ANO4: variants seen among roughly 807,000 people sequenced by gnomAD.
The protein encoded by ANO4 is anoctamin-4.
In ANO4, 69 loss-of-function variants were observed where a neutral mutation model predicts 141.9. The ratio of observed to expected loss-of-function variants is 0.49; its 90% CI spans 0.40 to 0.59. ANO4 has a LOEUF of 0.59. Ranked by LOEUF, ANO4 falls within the 20% of genes least tolerant of loss-of-function variation. The probability of loss-of-function intolerance (pLI) is 0.00; values close to 1 mark genes in which losing one functional copy is unlikely to be tolerated. For missense variants in ANO4, 894 were observed against 1,162.2 expected (o/e 0.77, Z 3.36); for synonymous variants, 350 against 394.3 (o/e 0.89, Z 1.33).
At chr12:100,999,717 T>C (rs2045551568) in intron 8 of ANO4, among the ~76,000 whole-genome samples, 1 of 151,526 alleles carries the variant, frequency 6.6e-6, no homozygotes, top group Admixed American at 6.6e-5. Context: ...AAGGTGGCAA[T>C]AGGATTTGGG....
At chr12:100,958,005 A>G (rs2043244701) in intron 5 of ANO4, among the ~76,000 whole-genome samples, 3 of 152,282 alleles carry the variant, frequency 2.0e-5, no homozygotes, top group Admixed American at 2.0e-4. Context: ...ATGCCCAGCC[A>G]CAACCATTTT....
chr12:100,851,396 T>C (rs1180488591), intron 1 of ANO4, among the ~76,000 whole-genome samples: 1 of 152,184 alleles, frequency 6.6e-6, no homozygotes, highest in Non-Finnish European at 1.5e-5. Flanking sequence ...ACTTGCTGCT[T>C]TTTCCCAGAG....
intron 1 of ANO4, among the ~76,000 whole-genome samples, chr12:100,862,262 A>G (rs1328478011): frequency 6.6e-6 from 1 of 152,138 alleles, no homozygotes; most frequent in Non-Finnish European, 1.5e-5. Flanking sequence ...AGTATACTCT[A>G]AAATAACAAT....
At chr12:100,843,475 T>C (rs1389669136) in intron 1 of ANO4, among the ~76,000 whole-genome samples, 2 of 152,212 alleles carry the variant, frequency 1.3e-5, no homozygotes. Flanking sequence ...AGTTTAACTG[T>C]CCTCAACTTC....
intron 9 of ANO4, among the ~76,000 whole-genome samples, chr12:101,034,475 A>G (rs945094761): frequency 1.1e-4 from 16 of 152,066 alleles, no homozygotes; most frequent in Middle Eastern, 3.2e-3. Flanking sequence ...ACAACACACA[A>G]TAGGCCTGTT....
chr12:100,830,270 A>G (rs2135770043), intron 1 of ANO4, among the ~76,000 whole-genome samples: 2 of 152,156 alleles, frequency 1.3e-5, no homozygotes, highest in Admixed American at 1.3e-4. Flanking sequence ...GGGGCCCGAG[A>G]TGCTGTAGGA....
intron 1 of ANO4, among the ~76,000 whole-genome samples, chr12:100,725,185 GT>G (rs1037346898): frequency 2.0e-5 from 3 of 152,050 alleles, no homozygotes; most frequent in Admixed American, 1.3e-4. Context: ...CTTGTAATAT[GT>G]TTTGAAAGGT....
intron 8 of ANO4, among the ~76,000 whole-genome samples, chr12:101,012,311 A>C (rs1054911231): frequency 1.3e-5 from 2 of 152,152 alleles, no homozygotes; most frequent in Non-Finnish European, 2.9e-5. Flanking sequence ...ATTTTTAAAA[A>C]TTTTAGGGAG....
chr12:100,944,488 C>A (rs1214981741), intron 5 of ANO4, among the ~76,000 whole-genome samples: 1 of 151,738 alleles, frequency 6.6e-6, no homozygotes. Flanking sequence ...CTAAGCATTT[C>A]CCCCCTCCCC....
intron 3 of ANO4, among the ~76,000 whole-genome samples, chr12:100,748,709 C>G (rs555588474): frequency 2.6e-5 from 4 of 152,182 alleles, no homozygotes; most frequent in African/African-American, 9.6e-5. Flanking sequence ...TGTTTGTAAC[C>G]ATTTTCTATT....
chr12:100,780,004 TA>T (rs2033663912), intron 3 of ANO4, among the ~76,000 whole-genome samples: 2 of 152,188 alleles, frequency 1.3e-5, no homozygotes, highest in African/African-American at 4.8e-5. Flanking sequence ...GCTTTTAACT[TA>T]CAAACTTTAT....
chr12:101,125,686 A>T (rs1291871189), intron 26 of ANO4, among the ~76,000 whole-genome samples: 5 of 152,198 alleles, frequency 3.3e-5, no homozygotes, highest in Admixed American at 6.5e-5. Context: ...ACTTATGCTT[A>T]TGTGATGTTT....
rs539672763 is a variant in ANO4, at chr12:100,920,177, T to C, written c.56-2049T>C. On this transcript the variant is annotated intron_variant, in intron 2 of 27. Transcript: ENST00000392977. Reference sequence around the variant, plus strand: ...AACACAGGATCATTTTACTGGGTTATGTTGGATTTATTTGGCAAATCCAGT... The same window carrying C: ...AACACAGGATCATTTTACTGGGTTACGTTGGATTTATTTGGCAAATCCAGT... Among the ~76,000 whole-genome samples, 9 of 152,264 alleles carry C rather than the reference T, an allele frequency of 5.9e-5. No individual in the cohort carries two copies. The East Asian group carries it at 1.7e-3, about 29-fold the overall frequency.
At chr12:100,999,449 C>G (rs1381601128) in intron 8 of ANO4, among the ~76,000 whole-genome samples, 2 of 152,144 alleles carry the variant, frequency 1.3e-5, no homozygotes, top group African/African-American at 4.8e-5. Flanking sequence ...TTATATTGTA[C>G]CTATCTAAAT....
chr12:100,807,881 C>T (rs2135691596), intron 1 of ANO4, among the ~76,000 whole-genome samples: 1 of 152,294 alleles, frequency 6.6e-6, no homozygotes, highest in South Asian at 2.1e-4. Context: ...CATGTCCCTG[C>T]AAAGGACATG....
chr12:101,021,547 A>T (rs555015702), intron 9 of ANO4, among the ~76,000 whole-genome samples: 21 of 152,346 alleles, frequency 1.4e-4, no homozygotes, highest in Middle Eastern at 3.4e-3. Context: ...AAATAAGTTA[A>T]TATCTGGTGC....
rs145185150 is a variant in ANO4, at chr12:100,921,941, C to T, written c.56-285C>T. Among the ~76,000 whole-genome samples the T allele has an allele frequency of 7.5e-4, 114 of 151,978 alleles. 1 individual carries two copies. The highest frequency in any genetic ancestry group is 1.4e-3 in the Non-Finnish European group (95 of 67,976). ...GGTAGAGGCTATGTTATATTTTTTACGTAGGGAATTATCAGTAAATACTAT... is the reference window on the plus strand; with the variant it reads ...GGTAGAGGCTATGTTATATTTTTTATGTAGGGAATTATCAGTAAATACTAT... On this transcript the variant is annotated intron_variant, in intron 2 of 27. Coordinates refer to ENST00000392977, the MANE Select transcript of ANO4 (RefSeq NM_001286615.2).
At chr12:100,980,078 A>C (rs2044389591) in intron 7 of ANO4, among the ~76,000 whole-genome samples, 1 of 152,118 alleles carries the variant, frequency 6.6e-6, no homozygotes, top group Admixed American at 6.5e-5. Context: ...AATGGCTTAC[A>C]AAACACTAGT....
chr12:100,854,576 T>A (rs1404112934), intron 1 of ANO4, among the ~76,000 whole-genome samples: 1 of 152,182 alleles, frequency 6.6e-6, no homozygotes, highest in Non-Finnish European at 1.5e-5. Context: ...GCATTCTGCA[T>A]GATTTTCCCA....
Sources: allele counts gnomAD v4.1 joint callset (sites outside exome capture counted in the v4.1 genomes callset), GRCh38; gene constraint gnomAD v4.1.1; transcripts MANE v1.5; gene names NCBI Gene and HGNC (gene_info 2026-07-23, HGNC 2026-07-21).